The following MYH13 variants were observed in gnomAD, a reference collection of about 807,000 sequenced individuals.
MYH13 encodes myosin-13.
In MYH13, 177 loss-of-function variants were observed where a neutral mutation model predicts 232.1. That is an observed-to-expected ratio of 0.76 (90% CI 0.67 to 0.86). The LOEUF is 0.86. MYH13 is among the 40% of genes least tolerant of loss of function. The probability of loss-of-function intolerance (pLI) is 0.00; values close to 1 mark genes in which losing one functional copy is unlikely to be tolerated. For missense variants in MYH13, 2,246 were observed against 2,405.9 expected (o/e 0.93, Z 1.39); for synonymous variants, 884 against 923.5 (o/e 0.96, Z 0.78).
chr17:10,348,679 G>T (rs2071686068), intron 12 of MYH13, among the ~76,000 whole-genome samples: 2 of 152,092 alleles, frequency 1.3e-5, no homozygotes, highest in African/African-American at 4.8e-5. Flanking sequence ...TTGCTGAGGA[G>T]CCTGATACTC....
Position 10,320,127 on chromosome 17 carries a change from G to A in MYH13, c.3348+26C>T, listed in dbSNP as rs757594959. 2.6e-6 allele frequency: 4 copies of A among 1,536,948 alleles called. No homozygotes were observed. The South Asian group carries it at 4.8e-5, about 18-fold the overall frequency. The stretch of plus-strand genomic sequence containing the variant: ...GGCGCTCTTGCAAAGGGATTGTCAT[G>A]ATTGGGAAGGTTTTGATGCTTTTAC... On this transcript the variant is annotated intron_variant, in intron 26 of 40. Transcript: ENST00000252172.
At chr17:10,323,287 C>T (rs12944070) in intron 23 of MYH13, among the ~76,000 whole-genome samples, 29,665 of 152,114 alleles carry the variant, frequency 0.2, 3,148 homozygotes, top group Middle Eastern at 0.27. Context: ...TGCCGGTACC[C>T]GCTCCTCTCA....
chr17:10,352,211 A>G (rs1162680748), intron 11 of MYH13, among the ~76,000 whole-genome samples: 14 of 152,122 alleles, frequency 9.2e-5, no homozygotes, highest in Admixed American at 8.5e-4. Context: ...GAACCTGGGT[A>G]TATGATGGGA....
rs1288213946 is a variant in MYH13, at chr17:10,319,158, C to T, written c.3370G>A (p.Glu1124Lys). ...AGCGTGTGTTCCGCTTCAATTTCCT[C>T]CTCCAGCTCTTCTATGCGGGCCTGA... ...ELQARIEELE[E>K]EIEAEHTLRA... Residue 1124 changes from glutamate to lysine, a missense_variant, in exon 27 of 41, where the codon GAG (glutamate) becomes AAG (lysine). Coordinates refer to ENST00000252172, the MANE Select transcript of MYH13 (RefSeq NM_003802.3). 3 of 1,613,916 alleles carry T rather than the reference C, an allele frequency of 1.9e-6. No homozygotes were observed. Among genetic ancestry groups the T allele is most frequent in the African/African-American group, 1.3e-5 (1 of 74,896 alleles).
chr17:10,329,913 T>G (rs959438685), intron 21 of MYH13, among the ~76,000 whole-genome samples: 1 of 151,088 alleles, frequency 6.6e-6, no homozygotes, highest in African/African-American at 2.4e-5. Flanking sequence ...GGCGGGAGAA[T>G]CGCTTGAACC....
chr17:10,357,926 A>G, intron 7 of MYH13, 99 bp from the exon 8 acceptor site: 1 of 1,024,732 alleles, frequency 9.8e-7, no homozygotes, highest in Non-Finnish European at 1.5e-6. Flanking sequence ...AGGTTCAGGT[A>G]GAGATGTCGA....
At position 10,332,218 on chromosome 17, in the gene MYH13, G is replaced by A. The variant is rs767061168; in HGVS notation, c.2179C>T (p.Arg727Trp). The change falls in exon 20 of 41, where the codon CGG (arginine) becomes TGG (tryptophan). Residue 727 changes from arginine (R) to tryptophan (W), a missense_variant. Arg to Trp is a moderately radical substitution (Grantham distance 101). Transcript: ENST00000252172. ...GGGATAGCACTGGCATTGAGGATCC[G>A]GTACCTAAGGAGAGAGGACATTTCC... ...ILYADFKQRY[R>W]ILNASAIPEG... 38 of 1,613,646 alleles carry A rather than the reference G, an allele frequency of 2.4e-5. No homozygotes were observed. The highest frequency in any genetic ancestry group is 1.6e-4 in the Middle Eastern group (1 of 6,082).
rs749076104 is a variant in MYH13 at position 10,321,579 on chromosome 17, T to A, written c.3064A>T (p.Asn1022Tyr). 3.1e-6 allele frequency: 5 copies of A among 1,613,928 alleles called. No homozygotes were observed. Among genetic ancestry groups the A allele is most frequent in the Non-Finnish European group, 4.2e-6 (5 of 1,179,838 alleles). ...TTGGCATTTATTTTGATTAGACCATTGACTTTATCTTCTTCCACCTGAAGA... is the reference window on the plus strand; with the variant it reads ...TTGGCATTTATTTTGATTAGACCATAGACTTTATCTTCTTCCACCTGAAGA... ...DDLQVEEDKV[N>Y]GLIKINAKLE... Residue 1022 changes from asparagine to tyrosine, a missense_variant, in exon 24 of 41, where the codon AAT becomes TAT. Transcript: ENST00000252172.
At chr17:10,359,826 T>C (rs1443014237) in intron 7 of MYH13, 134 bp downstream of exon 7, 2 of 741,374 alleles carry the variant, frequency 2.7e-6, no homozygotes, top group East Asian at 5.4e-5. Context: ...TGTGTGAGGA[T>C]ACAGAGAGGA....
At chr17:10,322,999 G>A (rs75212362) in intron 23 of MYH13, among the ~76,000 whole-genome samples, 7 of 152,128 alleles carry the variant, frequency 4.6e-5, no homozygotes, top group East Asian at 3.9e-4. Flanking sequence ...GTGTGCACAC[G>A]CCATTGCTCC....
intron 16 of MYH13, among the ~76,000 whole-genome samples, chr17:10,343,196 A>C (rs1168018134): frequency 2.7e-5 from 4 of 150,146 alleles, no homozygotes; most frequent in Admixed American, 1.3e-4. Flanking sequence ...TATCCTAAAA[A>C]CCACTAAATT....
At chr17:10,353,931 A>AGAAGGAAGGAAGGAAG (rs10587803) in intron 11 of MYH13, among the ~76,000 whole-genome samples, 3,467 of 146,096 alleles carry the variant, frequency 0.024, 68 homozygotes, top group Non-Finnish European at 0.034. Flanking sequence ...AAGGAAGGAA[A>AGAAGGAAGGAAGGAAG]GAAGGAAGGA....
intron 35 of MYH13, among the ~76,000 whole-genome samples, chr17:10,308,443 C>CTTTT (rs57432823): frequency 8.8e-5 from 10 of 113,086 alleles, no homozygotes; most frequent in South Asian, 2.8e-4. Context: ...TTAATTAAAA[C>CTTTT]TTTTTTTTTT....
intron 11 of MYH13, 144 bp from the exon 12 acceptor site, chr17:10,350,838 A>G (rs867580038): frequency 1.9e-6 from 2 of 1,055,642 alleles, no homozygotes; most frequent in Middle Eastern, 4.0e-4. Context: ...GGGATGTGGT[A>G]AATTAGAAAC....
intron 7 of MYH13, among the ~76,000 whole-genome samples, chr17:10,358,751 G>C (rs777000278): frequency 1.3e-4 from 19 of 151,992 alleles, no homozygotes; most frequent in Admixed American, 3.3e-4. Context: ...GTGAGACCCT[G>C]TCTCTCCAAA....
intron 3 of MYH13, 144 bp downstream of exon 3, chr17:10,364,183 A>T: frequency 1.2e-6 from 1 of 847,878 alleles, no homozygotes; most frequent in Non-Finnish European, 1.8e-6. Context: ...AGCAGCTTTC[A>T]TCTGCTACTT....
chr17:10,342,498 A>G (rs1039810484), intron 16 of MYH13, among the ~76,000 whole-genome samples: 5 of 152,234 alleles, frequency 3.3e-5, no homozygotes, highest in East Asian at 1.9e-4. Context: ...ATATATTCAC[A>G]TATAAACTTC....
At chr17:10,346,829 A>G (rs2071670566) in intron 12 of MYH13, 31 bp from the exon 13 acceptor site, 1 of 1,536,850 alleles carries the variant, frequency 6.5e-7, no homozygotes, top group African/African-American at 1.4e-5. Flanking sequence ...GGCATCATGC[A>G]AAAACAGTAG....
intron 33 of MYH13, among the ~76,000 whole-genome samples, chr17:10,310,511 C>T (rs532569264): frequency 6.6e-6 from 1 of 152,312 alleles, no homozygotes; most frequent in East Asian, 1.9e-4. Flanking sequence ...TAAAACTTTG[C>T]ATCGCTCATG....
Sources: gnomAD v4.1 joint callset for allele counts (sites outside exome capture counted in the v4.1 genomes callset) on GRCh38, gnomAD v4.1.1 for gene constraint, MANE v1.5 for transcripts, NCBI Gene and HGNC (gene_info 2026-07-23, HGNC 2026-07-21) for gene names.